The following SUGCT variants were observed in gnomAD, a reference collection of about 807,000 sequenced individuals.
SUGCT encodes the protein succinyl-CoA:glutarate CoA-transferase.
Under a neutral mutation model 55.0 loss-of-function variants are expected in SUGCT, and 41 were observed. That is an observed-to-expected ratio of 0.74 (90% CI 0.58 to 0.97). The LOEUF (loss-of-function observed/expected upper bound fraction) is 0.97. SUGCT is among the 50% of genes least tolerant of loss of function. The pLI, the probability that SUGCT is intolerant of heterozygous loss-of-function variation, is 0.00. For missense variants in SUGCT, 568 were observed against 547.8 expected (o/e 1.04, Z -0.37); for synonymous variants, 187 against 200.4 (o/e 0.93, Z 0.56).
rs111460243 is a variant in SUGCT at position 40,628,727 on chromosome 7, C to CTGTG, written c.1090-120681_1090-120678dup. 5.5e-3 allele frequency among the ~76,000 whole-genome samples: 810 copies of CTGTG among 147,610 alleles called. 4 individuals carry two copies. Among genetic ancestry groups the CTGTG allele is most frequent in the Middle Eastern group, 0.028 (8 of 282 alleles). On this transcript the variant is annotated intron_variant, in intron 12 of 13. Coordinates refer to ENST00000335693, the MANE Select transcript of SUGCT (RefSeq NM_001193313.2). ...AGTTTTTGGGTGTGTGTGTTTTGTT[C>CTGTG]TGTGTGTGTGTGTGTGTGTGTGTGT...
chr7:40,606,796 C>G (rs1460018762), intron 12 of SUGCT, among the ~76,000 whole-genome samples: 1 of 152,096 alleles, frequency 6.6e-6, no homozygotes, highest in Non-Finnish European at 1.5e-5. Flanking sequence ...AAAATAAACT[C>G]TAGATGAACT....
chr7:40,984,207 C>T, the SUGCT span, among the ~76,000 whole-genome samples: 1 of 152,066 alleles, frequency 6.6e-6, no homozygotes, highest in African/African-American at 2.4e-5. Flanking sequence ...GTTTTATAGC[C>T]CCAGATGACA....
intron 12 of SUGCT, among the ~76,000 whole-genome samples, chr7:40,717,067 A>C (rs1335027521): frequency 6.6e-6 from 1 of 152,206 alleles, no homozygotes; most frequent in Admixed American, 6.5e-5. Context: ...ATATTTTAGC[A>C]GTTATATACC....
intron 7 of SUGCT, among the ~76,000 whole-genome samples, chr7:40,272,189 TATATAC>T (rs1792104420): frequency 5.5e-5 from 4 of 72,088 alleles, no homozygotes; most frequent in African/African-American, 2.3e-4. Context: ...TATATATATA[TATATAC>T]AGGGTCTCAG....
the SUGCT span, among the ~76,000 whole-genome samples, chr7:41,013,331 G>T: frequency 6.6e-6 from 1 of 152,126 alleles, no homozygotes; most frequent in Non-Finnish European, 1.5e-5. Context: ...AAATTAGTTT[G>T]ATGATTTCAG....
intron 6 of SUGCT, 66 bp from the exon 7 acceptor site, chr7:40,237,569 C>A: frequency 8.5e-7 from 1 of 1,173,508 alleles, no homozygotes; most frequent in Non-Finnish European, 1.3e-6. Flanking sequence ...TTCTAACACA[C>A]TATATTGTAC....
chr7:40,545,612 A>G (rs1319253908), intron 12 of SUGCT, among the ~76,000 whole-genome samples: 1 of 152,214 alleles, frequency 6.6e-6, no homozygotes, highest in Non-Finnish European at 1.5e-5. Context: ...AGAAACCAAG[A>G]CAAAGGAAGG....
At chr7:40,487,335 G>A (rs2151500379) in intron 11 of SUGCT, among the ~76,000 whole-genome samples, 1 of 133,006 alleles carries the variant, frequency 7.5e-6, no homozygotes, top group African/African-American at 2.9e-5. Context: ...TCGAACTCCT[G>A]ACCACATGAG....
chr7:40,791,669 G>A (rs751323853), intron 13 of SUGCT, among the ~76,000 whole-genome samples: 1 of 152,070 alleles, frequency 6.6e-6, no homozygotes, highest in Non-Finnish European at 1.5e-5. Context: ...TTACAATCAA[G>A]GCCAATGTTT....
chr7:40,859,247 C>T (rs1026771547), intron 13 of SUGCT, among the ~76,000 whole-genome samples: 2 of 152,164 alleles, frequency 1.3e-5, no homozygotes, highest in Non-Finnish European at 2.9e-5. Context: ...ACAACATGTT[C>T]CCCAGTGTCC....
intron 9 of SUGCT, among the ~76,000 whole-genome samples, chr7:40,421,589 G>A (rs924494251): frequency 3.9e-5 from 6 of 152,136 alleles, no homozygotes; most frequent in Non-Finnish European, 7.4e-5. Flanking sequence ...GACTCTGGAG[G>A]CATAGTGGTG....
intron 9 of SUGCT, among the ~76,000 whole-genome samples, chr7:40,344,494 C>G (rs373276030): frequency 6.6e-6 from 1 of 152,088 alleles, no homozygotes; most frequent in Non-Finnish European, 1.5e-5. Context: ...GTTTTTGACA[C>G]GTGAAATTCA....
intron 6 of SUGCT, among the ~76,000 whole-genome samples, chr7:40,234,842 G>A (rs1227324919): frequency 2.0e-5 from 3 of 152,026 alleles, no homozygotes; most frequent in Admixed American, 6.6e-5. Flanking sequence ...ACAGTCAGTC[G>A]AGGTTGCGGT....
intron 9 of SUGCT, among the ~76,000 whole-genome samples, chr7:40,417,416 T>G (rs962305154): frequency 6.6e-6 from 1 of 151,884 alleles, no homozygotes; most frequent in Non-Finnish European, 1.5e-5. Context: ...TTTATTGTCT[T>G]GTAAATCCTT....
intron 12 of SUGCT, among the ~76,000 whole-genome samples, chr7:40,589,028 T>G (rs1269719210): frequency 6.6e-6 from 1 of 152,152 alleles, no homozygotes; most frequent in Non-Finnish European, 1.5e-5. Flanking sequence ...TTTCAAAGTA[T>G]GATCTAATTA....
intron 9 of SUGCT, among the ~76,000 whole-genome samples, chr7:40,353,665 T>G (rs1197778536): frequency 6.6e-6 from 1 of 152,178 alleles, no homozygotes; most frequent in Non-Finnish European, 1.5e-5. Context: ...AGTTGGGTTC[T>G]TAAAAAAACC....
chr7:41,030,899 C>A, the SUGCT span, among the ~76,000 whole-genome samples: 1 of 152,096 alleles, frequency 6.6e-6, no homozygotes, highest in Admixed American at 6.5e-5. Flanking sequence ...AATGATTACT[C>A]ATAGTTGGAG....
At chr7:40,802,172 C>T (rs73689853) in intron 13 of SUGCT, among the ~76,000 whole-genome samples, 10 of 152,214 alleles carry the variant, frequency 6.6e-5, no homozygotes, top group African/African-American at 2.4e-4. Flanking sequence ...ATGGAAGCCT[C>T]ATCACTTAGT....
the SUGCT span, among the ~76,000 whole-genome samples, chr7:40,934,946 C>T: frequency 1.3e-5 from 2 of 152,158 alleles, no homozygotes; most frequent in Non-Finnish European, 2.9e-5. Context: ...CCAACCAGTC[C>T]CAGTGAGATG....
Sources: gnomAD v4.1 joint callset for allele counts (sites outside exome capture counted in the v4.1 genomes callset) on GRCh38, gnomAD v4.1.1 for gene constraint, MANE v1.5 for transcripts, NCBI Gene and HGNC (gene_info 2026-07-23, HGNC 2026-07-21) for gene names.